UBA6: variants seen among roughly 807,000 people sequenced by gnomAD.
The protein encoded by UBA6 is ubiquitin like modifier activating enzyme 6.
In UBA6, 87 loss-of-function variants were observed where a neutral mutation model predicts 148.3. That is an observed-to-expected ratio of 0.59 (90% CI 0.49 to 0.70). The LOEUF is 0.70. UBA6 is among the 30% of genes least tolerant of loss of function. The pLI, the probability that UBA6 is intolerant of heterozygous loss-of-function variation, is 0.00. For synonymous variants in UBA6, 376 were observed against 401.0 expected (o/e 0.94, Z 0.75); for missense variants, 1,186 against 1,241.2 (o/e 0.96, Z 0.67).
chr4:67,634,248 G>A lies in UBA6; in HGVS notation c.2007C>T (p.Val669=), dbSNP rs1442053581. The A allele has an allele frequency of 6.3e-7, 1 of 1,584,460 alleles. No homozygotes were observed. Among genetic ancestry groups the A allele is most frequent in the Non-Finnish European group, 8.5e-7 (1 of 1,170,774 alleles). ...AAAATTTACTGATTTTTACCTGTAA[G>A]ACTTCTTCTGCAGATGAATAGGTTT... The part of the protein sequence containing the change: ...FWQTYSSAEE[V]LQKIQSGHSL... The change falls in exon 22 of 33, where the codon GTC becomes GTT. Residue 669 remains valine (V), a synonymous_variant. Coordinates refer to ENST00000322244, the MANE Select transcript of UBA6 (RefSeq NM_018227.6).
At chr4:67,695,558 AT>A (rs1257484533) in intron 2 of UBA6, among the ~76,000 whole-genome samples, 2 of 142,390 alleles carry the variant, frequency 1.4e-5, no homozygotes, top group Non-Finnish European at 3.2e-5. Context: ...TGCCACTCCT[AT>A]CAAAAAAATG....
chr4:67,643,998 T>C (rs1729364626), intron 17 of UBA6, among the ~76,000 whole-genome samples: 3 of 152,094 alleles, frequency 2.0e-5, no homozygotes, highest in South Asian at 2.1e-4. Flanking sequence ...ATGATAGTAA[T>C]GTATGATCTT....
Position 67,641,233 on chromosome 4 carries a change from T to C in UBA6, c.1477-5A>G. On this transcript the variant is annotated splice_polypyrimidine_tract_variant and splice_region_variant and intron_variant, in intron 17 of 32. Coordinates refer to ENST00000322244, the MANE Select transcript of UBA6 (RefSeq NM_018227.6). ...GTCAGGATCTGTAACTGTAATCTAA[T>C]ATCAAGAAAATATGGCTGAAATTAC... is the stretch of plus-strand genomic sequence containing the variant. 3 of 1,531,522 alleles carry C rather than the reference T, an allele frequency of 2.0e-6. No homozygotes were observed. The highest frequency in any genetic ancestry group is 2.7e-6 in the Non-Finnish European group (3 of 1,119,952). The allele number at this position is 1,531,522 out of a possible 1,614,324, so 94.9% of individuals were successfully genotyped here. A position where few individuals can be genotyped will look rare whatever the true frequency, so the allele number is the denominator to read the frequency against.
intron 13 of UBA6, 105 bp downstream of exon 13, chr4:67,662,084 C>A: frequency 9.0e-7 from 1 of 1,109,806 alleles, no homozygotes; most frequent in Non-Finnish European, 1.3e-6. Flanking sequence ...TGTCTAATGC[C>A]ACAGAGTAGC....
intron 9 of UBA6, among the ~76,000 whole-genome samples, chr4:67,667,798 TG>T (rs1730043754): frequency 6.6e-6 from 1 of 152,214 alleles, no homozygotes; most frequent in Admixed American, 6.5e-5. Flanking sequence ...ACTTTCCTCC[TG>T]GTTTCGGCAC....
intron 29 of UBA6, among the ~76,000 whole-genome samples, chr4:67,624,507 AT>A (rs1416164696): frequency 6.6e-6 from 1 of 152,130 alleles, no homozygotes; most frequent in Admixed American, 6.6e-5. Flanking sequence ...CAGTCTCCCT[AT>A]TTTGAAAGCA....
In UBA6 at chr4:67,633,460, C is replaced by A. The variant is rs538457487; in HGVS notation, c.2027G>T (p.Gly676Val). The A allele has an allele frequency of 2.1e-5, 34 of 1,601,624 alleles. No homozygotes were observed. In the South Asian group the frequency reaches 3.4e-4, roughly 16 times the overall value. The change falls in exon 23 of 33, where the codon GGA becomes GTA. Residue 676 changes from glycine (G) to valine (V), a missense_variant. By Grantham distance (109) the Gly-to-Val change is moderately radical. Coordinates refer to ENST00000322244, the MANE Select transcript of UBA6 (RefSeq NM_018227.6). ...TTGAAAACAGCCTTCTAAACTGTGT[C>A]CACTCTGTATCTTCTAGAATGGGAG... Reference protein sequence around the residue: ...AEEVLQKIQSGHSLEGCFQVI... With the variant: ...AEEVLQKIQSVHSLEGCFQVI...
intron 18 of UBA6, among the ~76,000 whole-genome samples, chr4:67,639,401 A>C (rs1373461786): frequency 6.6e-6 from 1 of 152,178 alleles, no homozygotes; most frequent in East Asian, 1.9e-4. Context: ...ACAGTTCTTA[A>C]AAAAAGTTAA....
chr4:67,630,798 A>T (rs2109901031), intron 25 of UBA6, among the ~76,000 whole-genome samples: 1 of 152,260 alleles, frequency 6.6e-6, no homozygotes, highest in East Asian at 1.9e-4. Context: ...TGGGAAGAGG[A>T]GTGAGTGGAC....
chr4:67,672,595 C>A (rs1303845376), intron 7 of UBA6, among the ~76,000 whole-genome samples: 4 of 152,162 alleles, frequency 2.6e-5, no homozygotes, highest in Admixed American at 6.5e-5. Flanking sequence ...GATCTTGTAA[C>A]GTATGGCCCC....
chr4:67,644,707 C>T lies in UBA6; in HGVS notation c.1467G>A (p.Glu489=), dbSNP rs748544768. The T allele has an allele frequency of 6.3e-7, 1 of 1,591,646 alleles. No individual in the cohort carries two copies. Among genetic ancestry groups the T allele is most frequent in the South Asian group, 1.1e-5 (1 of 90,610 alleles). ...AGAATTGATATCTTACCATTCCTTT[C>T]TCTTTGCTTGTGCCAACACCAAGTA... ...FALLGVGTSK[E]KGMITVTDPD... The change falls in exon 17 of 33, where the codon GAG becomes GAA. Residue 489 remains glutamate, a synonymous_variant. Transcript: ENST00000322244.
At chr4:67,660,318 C>T (rs989271002) in intron 13 of UBA6, among the ~76,000 whole-genome samples, 1 of 152,214 alleles carries the variant, frequency 6.6e-6, no homozygotes, top group Non-Finnish European at 1.5e-5. Flanking sequence ...TTCAAGGAAG[C>T]TGCTCCCATC....
At chr4:67,673,582 A>AT in intron 7 of UBA6, 115 bp downstream of exon 7, 1 of 550,794 alleles carries the variant, frequency 1.8e-6, no homozygotes, top group African/African-American at 1.9e-5. Flanking sequence ...GAAAAAAATG[A>AT]TTGTGATTAA....
intron 13 of UBA6, among the ~76,000 whole-genome samples, chr4:67,657,263 T>C (rs1257301816): frequency 6.6e-6 from 1 of 152,150 alleles, no homozygotes; most frequent in Non-Finnish European, 1.5e-5. Context: ...GGAAGCATCA[T>C]ACTATCTGAC....
At chr4:67,689,118 C>A (rs28576595) in intron 2 of UBA6, among the ~76,000 whole-genome samples, 2 of 151,796 alleles carry the variant, frequency 1.3e-5, no homozygotes, top group Non-Finnish European at 2.9e-5. Context: ...TCAATAAATT[C>A]TATGAGATAT....
In UBA6 at chr4:67,681,558, C is replaced by A; in HGVS notation, c.258+5G>T. The A allele has an allele frequency of 6.4e-7, 1 of 1,568,322 alleles. No homozygotes were observed. The highest frequency in any genetic ancestry group is 8.6e-7 in the Non-Finnish European group (1 of 1,163,738). ...CAATTTTTCTTACAGAGGACATTTACTTACCTTAATCCCTGCAAGAACAAG... is the reference window on the plus strand; with the variant it reads ...CAATTTTTCTTACAGAGGACATTTAATTACCTTAATCCCTGCAAGAACAAG... On this transcript the variant is annotated splice_donor_5th_base_variant and intron_variant, in intron 4 of 32. Transcript: ENST00000322244.
At chr4:67,644,885 A>G (rs1268304042) in intron 16 of UBA6, 107 bp from the exon 17 acceptor site, 3 of 570,852 alleles carry the variant, frequency 5.3e-6, no homozygotes. Context: ...CAACGAAAAA[A>G]AAAAGTATAA....
At chr4:67,650,187 C>A (rs1729519181) in intron 13 of UBA6, among the ~76,000 whole-genome samples, 1 of 152,090 alleles carries the variant, frequency 6.6e-6, no homozygotes, top group South Asian at 2.1e-4. Context: ...ATGATAATAA[C>A]AGTATAAGTG....
chr4:67,631,037 T>C (rs571127198), intron 25 of UBA6, among the ~76,000 whole-genome samples: 3 of 151,830 alleles, frequency 2.0e-5, no homozygotes, highest in South Asian at 2.1e-4. Flanking sequence ...GAAAGGAAGG[T>C]TAGTGAATGC....
Sources: allele counts gnomAD v4.1 joint callset (sites outside exome capture counted in the v4.1 genomes callset), GRCh38; gene constraint gnomAD v4.1.1; transcripts MANE v1.5; gene names NCBI Gene and HGNC (gene_info 2026-07-23, HGNC 2026-07-21).